The following SRRD variants were observed in gnomAD, a reference collection of about 807,000 sequenced individuals.
SRRD encodes the protein SRR1 domain containing.
Under a neutral mutation model 30.7 loss-of-function variants are expected in SRRD, and 28 were observed. The observed-to-expected ratio is 0.91, with a 90% confidence interval of 0.68 to 1.25. SRRD has a LOEUF of 1.25. SRRD is among the 50% of genes most tolerant of loss of function. SRRD has a pLI of 0.00. For missense variants in SRRD, 415 were observed against 417.3 expected, an observed-to-expected ratio of 0.99 and a Z score of 0.05; for synonymous variants, 161 against 159.6, an observed-to-expected ratio of 1.01 and a Z score of -0.07.
chr22:26,494,656 G>A lies in SRRD; in HGVS notation c.*2984G>A. 1 of 1,200,652 alleles carries A rather than the reference G, an allele frequency of 8.3e-7. No homozygotes were observed. The highest frequency in any genetic ancestry group is 1.2e-6 in the Non-Finnish European group (1 of 860,676). The allele number at this position is 1,200,652 out of a possible 1,614,324, so 74.4% of individuals were successfully genotyped here. ...ATGTCCAATAAATGGTGCCCACTATGAAGATGACCTAACTCATTCCTACCC... is the reference window on the plus strand; with the variant it reads ...ATGTCCAATAAATGGTGCCCACTATAAAGATGACCTAACTCATTCCTACCC... On this transcript the variant is annotated 3_prime_UTR_variant, in exon 7 of 7. Transcript: ENST00000215917.
rs753360683 is a variant in SRRD at position 26,492,002 on chromosome 22, C to G, written c.*330C>G. 6.3e-7 allele frequency: 1 copy of G among 1,579,298 alleles called. No homozygotes were observed. The highest frequency in any genetic ancestry group is 1.8e-5 in the Admixed American group (1 of 54,466). The stretch of plus-strand genomic sequence containing the variant: ...GGGCAAGTCTCTGACTGGTTCTGGA[C>G]CTGCCACAGTTCACTTGGCCATGTC... On this transcript the variant is annotated 3_prime_UTR_variant, in exon 7 of 7. Coordinates refer to ENST00000215917, the MANE Select transcript of SRRD (RefSeq NM_001013694.3).
At chr22:26,490,004 G>A (rs750201685) in intron 4 of SRRD, 40 bp from the exon 5 acceptor site, 2 of 1,610,472 alleles carry the variant, frequency 1.2e-6, no homozygotes, top group Admixed American at 1.7e-5. Flanking sequence ...TAAAGAATAG[G>A]TTGTGGGCAT....
chr22:26,488,310 C>T (rs746784462), intron 3 of SRRD, 22 bp downstream of exon 3: 4 of 1,612,820 alleles, frequency 2.5e-6, no homozygotes, highest in Non-Finnish European at 2.5e-6. Context: ...GATTCATTTT[C>T]ATCTCCTCCT....
rs368505595 is a variant in SRRD at position 26,491,691 on chromosome 22, A to G, written c.*19A>G. On this transcript the variant is annotated 3_prime_UTR_variant, in exon 7 of 7. Coordinates refer to ENST00000215917, the MANE Select transcript of SRRD (RefSeq NM_001013694.3). ...TGACTGAACTCGTTGTGAGGTACTC[A>G]GTGTTGGCTGAGGTAGAAGCTGCCA... The G allele has an allele frequency of 1.4e-5, 22 of 1,602,344 alleles. No homozygotes were observed. The African/African-American group carries it at 1.7e-4, about 13-fold the overall frequency.
rs1921428764 is a variant in SRRD, at chr22:26,493,087, T to C, written c.*1415T>C. ...TGTCACCTAGGCTGGAGTGCAGTGC[T>C]TGCAATCTCGGCTCACTACAACCTC... On this transcript the variant is annotated 3_prime_UTR_variant, in exon 7 of 7. Coordinates refer to ENST00000215917, the MANE Select transcript of SRRD (RefSeq NM_001013694.3). 6.6e-6 allele frequency: 1 copy of C among 151,986 alleles called. No individual in the cohort carries two copies. The highest frequency in any genetic ancestry group is 2.4e-5 in the African/African-American group (1 of 41,366). The allele number at this position is 151,986 out of a possible 1,614,324, so 9.4% of individuals were successfully genotyped here. A position where few individuals can be genotyped will look rare whatever the true frequency, so the allele number is the denominator to read the frequency against.
At position 26,494,277 on chromosome 22, in the gene SRRD, G is replaced by A. The variant is rs760636378; in HGVS notation, c.*2605G>A. 2 of 1,614,064 alleles carry A rather than the reference G, an allele frequency of 1.2e-6. No individual in the cohort carries two copies. The highest frequency in any genetic ancestry group is 1.7e-6 in the Non-Finnish European group (2 of 1,180,024). On this transcript the variant is annotated 3_prime_UTR_variant, in exon 7 of 7. Transcript: ENST00000215917. ...CACTTGGTGATCTCCTCATAATTTGGGCTGTTACTGAGCCAAGAGCACAGC... is the reference window on the plus strand; with the variant it reads ...CACTTGGTGATCTCCTCATAATTTGAGCTGTTACTGAGCCAAGAGCACAGC...
In SRRD at chr22:26,491,288, T is replaced by C; in HGVS notation, c.811-175T>C. 4 of 710,352 alleles carry C rather than the reference T, an allele frequency of 5.6e-6. No individual in the cohort carries two copies. The South Asian group carries it at 7.7e-5, about 14-fold the overall frequency. The allele number at this position is 710,352 out of a possible 1,614,324, so 44.0% of individuals were successfully genotyped here. On this transcript the variant is annotated intron_variant, in intron 6 of 6. Transcript: ENST00000215917. ...ATTCTTAGTATCACAGTCCATGATA[T>C]CCACTGTCCTTGGGGCGCCCAATTC...
At chr22:26,484,237 C>A in intron 1 of SRRD, 138 bp downstream of exon 1, 1 of 961,752 alleles carries the variant, frequency 1.0e-6, no homozygotes, top group Non-Finnish European at 1.5e-6. Context: ...GTAACGAGCT[C>A]ATTAAAGATG....
At position 26,491,868 on chromosome 22, in the gene SRRD, A is replaced by T; in HGVS notation, c.*196A>T. 1.0e-6 allele frequency: 1 copy of T among 988,682 alleles called. No homozygotes were observed. Among genetic ancestry groups the T allele is most frequent in the Non-Finnish European group, 1.5e-6 (1 of 682,884 alleles). The allele number at this position is 988,682 out of a possible 1,614,324, so 61.2% of individuals were successfully genotyped here. A position where few individuals can be genotyped will look rare whatever the true frequency, so the allele number is the denominator to read the frequency against. On this transcript the variant is annotated 3_prime_UTR_variant, in exon 7 of 7. Transcript: ENST00000215917. ...GCCCTACGTGGCATTGTCCCATTTT[A>T]CATCCTTCCCTCATGACCTGGCCTG...
intron 4 of SRRD, among the ~76,000 whole-genome samples, 159 bp downstream of exon 4, chr22:26,488,647 G>T (rs1004107672): frequency 6.6e-6 from 1 of 152,214 alleles, no homozygotes; most frequent in African/African-American, 2.4e-5. Context: ...CAGCCAATCA[G>T]TTACCTACAT....
rs1336379396 is a variant in SRRD at position 26,494,555 on chromosome 22, C to T, written c.*2883C>T. 5.7e-6 allele frequency: 4 copies of T among 703,552 alleles called. No homozygotes were observed. The highest frequency in any genetic ancestry group is 3.6e-5 in the African/African-American group (2 of 55,792). 43.6% of individuals were successfully genotyped at this position (703,552 alleles called of 1,614,324 possible). ...TCTACACAACAGGGATACCATATCC[C>T]CTACCCCATAGGGTTGCTGAGAGGA... On this transcript the variant is annotated 3_prime_UTR_variant, in exon 7 of 7. Coordinates refer to ENST00000215917, the MANE Select transcript of SRRD (RefSeq NM_001013694.3).
At position 26,491,518 on chromosome 22, in the gene SRRD, T is replaced by C. The variant is rs753914983; in HGVS notation, c.866T>C (p.Ile289Thr). Residue 289 changes from isoleucine to threonine, a missense_variant, in exon 7 of 7, where the codon ATA becomes ACA. Ile to Thr is a moderately conservative substitution (Grantham distance 89). Transcript: ENST00000215917. ...EFPQTSQYMD[I>T]FNDTSVHWFP... is the part of the protein sequence containing the mutation. ...CCTCAGACTTCACAATACATGGACA[T>C]ATTTAATGATACCTCTGTCCACTGG... is the stretch of plus-strand genomic sequence containing the variant. 11 of 1,614,088 alleles carry C rather than the reference T, an allele frequency of 6.8e-6. No homozygotes were observed. Among genetic ancestry groups the C allele is most frequent in the African/African-American group, 1.3e-5 (1 of 75,046 alleles).
Position 26,490,093 on chromosome 22 carries a change from A to C in SRRD, c.659A>C (p.His220Pro). 1 of 1,614,108 alleles carries C rather than the reference A, an allele frequency of 6.2e-7. No individual in the cohort carries two copies. The change falls in exon 5 of 7, where the codon CAT (histidine) becomes CCT (proline). Residue 220 changes from histidine to proline, a missense_variant. By Grantham distance (77) the His-to-Pro change is moderately conservative. Transcript: ENST00000215917. Reference protein sequence around the residue: ...RGEPTIFYMLHCGTALYNNLL... With the variant: ...RGEPTIFYMLPCGTALYNNLL... ...GAGCCTACCATCTTTTACATGCTCCATTGTGGGACGGCCTTGTACAACAAT... is the reference window on the plus strand; with the variant it reads ...GAGCCTACCATCTTTTACATGCTCCCTTGTGGGACGGCCTTGTACAACAAT...
At position 26,491,989 on chromosome 22, in the gene SRRD, G is replaced by T. The variant is rs369030233; in HGVS notation, c.*317G>T. 1 of 1,561,750 alleles carries T rather than the reference G, an allele frequency of 6.4e-7. No individual in the cohort carries two copies. The highest frequency in any genetic ancestry group is 8.7e-7 in the Non-Finnish European group (1 of 1,150,824). ...ACATCCCTCTTAGGGGCAAGTCTCT[G>T]ACTGGTTCTGGACCTGCCACAGTTC... On this transcript the variant is annotated 3_prime_UTR_variant, in exon 7 of 7. Transcript: ENST00000215917.
Position 26,494,097 on chromosome 22 carries a change from A to ATGTCAGATGT in SRRD, c.*2425_*2426insTGTCAGATGT. The ATGTCAGATGT allele has an allele frequency of 6.2e-7, 1 of 1,605,914 alleles. No individual in the cohort carries two copies. Among genetic ancestry groups the ATGTCAGATGT allele is most frequent in the Non-Finnish European group, 8.5e-7 (1 of 1,174,842 alleles). ...GTGTCATTTACATGTGTAAAATCTG[A>ATGTCAGATGT]AACTTGGGGCCAGGACATCCAAAAT... On this transcript the variant is annotated 3_prime_UTR_variant, in exon 7 of 7. Coordinates refer to ENST00000215917, the MANE Select transcript of SRRD (RefSeq NM_001013694.3).
chr22:26,487,964 T>C (rs2091720513), intron 2 of SRRD, 65 bp from the exon 3 acceptor site: 2 of 1,512,672 alleles, frequency 1.3e-6, no homozygotes, highest in African/African-American at 1.4e-5. Flanking sequence ...ACTTCTTTTG[T>C]GGATGATTTG....
Position 26,488,011 on chromosome 22 carries a change from G to A in SRRD, c.251-18G>A, listed in dbSNP as rs748611941. The stretch of plus-strand genomic sequence containing the variant: ...CAGAACATGCCCTCTAACTGCATTT[G>A]GGGGCCTGCTCTTTCAGAAACCATC... On this transcript the variant is annotated intron_variant, in intron 2 of 6. Coordinates refer to ENST00000215917, the MANE Select transcript of SRRD (RefSeq NM_001013694.3). The A allele has an allele frequency of 1.3e-5, 20 of 1,594,756 alleles. No homozygotes were observed. The highest frequency in any genetic ancestry group is 1.6e-5 in the Non-Finnish European group (19 of 1,169,420).
chr22:26,486,973 G>C (rs1441827112), intron 2 of SRRD, among the ~76,000 whole-genome samples: 1 of 149,782 alleles, frequency 6.7e-6, no homozygotes, highest in Non-Finnish European at 1.5e-5. Flanking sequence ...CCAGGCTGGA[G>C]TGTAGGGGTG....
At position 26,493,286 on chromosome 22, in the gene SRRD, A is replaced by G. The variant is rs1259259323; in HGVS notation, c.*1614A>G. 6.6e-6 allele frequency: 1 copy of G among 152,252 alleles called. No individual in the cohort carries two copies. Among genetic ancestry groups the G allele is most frequent in the Non-Finnish European group, 1.5e-5 (1 of 68,094 alleles). The allele number at this position is 152,252 out of a possible 1,614,324, so 9.4% of individuals were successfully genotyped here. A position where few individuals can be genotyped will look rare whatever the true frequency, so the allele number is the denominator to read the frequency against. On this transcript the variant is annotated 3_prime_UTR_variant, in exon 7 of 7. Transcript: ENST00000215917. ...CGTGATCTACCCGCCTCGGCCTCCC[A>G]AAGTGCTAGGATTACAGGCGTGAGC...
Sources: gnomAD v4.1 joint callset for allele counts (sites outside exome capture counted in the v4.1 genomes callset) on GRCh38, gnomAD v4.1.1 for gene constraint, MANE v1.5 for transcripts, NCBI Gene and HGNC (gene_info 2026-07-23, HGNC 2026-07-21) for gene names.